The following TCF4 variants were observed in gnomAD, a reference collection of about 807,000 sequenced individuals.
TCF4 encodes the protein transcription factor 4, also known as SL3-3 enhancer factor 2.
Under a neutral mutation model 82.1 loss-of-function variants are expected in TCF4, and 3 were observed. The observed-to-expected ratio is 0.04, with a 90% CI of 0.02 to 0.09. TCF4 has a LOEUF of 0.09. Ranked by LOEUF, TCF4 falls within the 10% of genes least tolerant of loss-of-function variation. The pLI is 1.00. For missense variants in TCF4, 518 were observed against 852.7 expected (o/e 0.61, Z 4.89); for synonymous variants, 276 against 309.6 (o/e 0.89, Z 1.14).
chr18:55,530,039 T>C (rs944029290), intron 3 of TCF4, among the ~76,000 whole-genome samples: 5 of 152,174 alleles, frequency 3.3e-5, no homozygotes, highest in Admixed American at 3.3e-4. Context: ...TACTCCAAAA[T>C]AGCAACCACT....
At chr18:55,338,399 C>G (rs1036211799) in intron 8 of TCF4, among the ~76,000 whole-genome samples, 7 of 152,180 alleles carry the variant, frequency 4.6e-5, no homozygotes, top group Non-Finnish European at 8.8e-5. Flanking sequence ...CAGGCTCAGA[C>G]AGAAATGGCC....
chr18:55,389,487 G>A (rs1335788160), intron 6 of TCF4, among the ~76,000 whole-genome samples: 1 of 152,206 alleles, frequency 6.6e-6, no homozygotes, highest in Non-Finnish European at 1.5e-5. Flanking sequence ...CAGGGTCCCT[G>A]AATCTTGAAC....
chr18:55,284,700 T>A (rs545614289), intron 8 of TCF4, among the ~76,000 whole-genome samples: 1 of 152,200 alleles, frequency 6.6e-6, no homozygotes, highest in Non-Finnish European at 1.5e-5. Context: ...ACGTTGTAAT[T>A]GAGGCTTTCA....
In TCF4 at chr18:55,288,159, A is replaced by G. The variant is rs1355388484; in HGVS notation, c.550-8503T>C. Among the ~76,000 whole-genome samples, 3 of 152,204 alleles carry G rather than the reference A, an allele frequency of 2.0e-5. No homozygotes were observed. In the South Asian group the frequency reaches 6.2e-4, roughly 32 times the overall value. ...ACGTCATAGTGATGTTATCATAGCTATAGAACATTTGAGATTTAAGCTATT... is the reference window on the plus strand; with the variant it reads ...ACGTCATAGTGATGTTATCATAGCTGTAGAACATTTGAGATTTAAGCTATT... On this transcript the variant is annotated intron_variant, in intron 8 of 19. Coordinates refer to ENST00000354452, the MANE Select transcript of TCF4 (RefSeq NM_001083962.2).
chr18:55,322,436 A>AC (rs1354111971), intron 8 of TCF4: 1 of 1,006,504 alleles, frequency 9.9e-7, no homozygotes, highest in Admixed American at 6.0e-5. Flanking sequence ...AAAAAAAAAA[A>AC]AAAAAAAAAA....
intron 5 of TCF4, among the ~76,000 whole-genome samples, chr18:55,424,896 TTA>T (rs1174256485): frequency 1.3e-5 from 2 of 152,216 alleles, no homozygotes; most frequent in Non-Finnish European, 2.9e-5. Context: ...TCTCGACAAT[TTA>T]TAATTTATTT....
chr18:55,232,723 C>G, intron 16 of TCF4, 52 bp from the exon 17 acceptor site: 4 of 1,603,146 alleles, frequency 2.5e-6, no homozygotes, highest in Non-Finnish European at 3.4e-6. Flanking sequence ...TCACTGCCTG[C>G]ACACCAGATT....
At chr18:55,473,206 T>C (rs1415711627) in intron 3 of TCF4, among the ~76,000 whole-genome samples, 1 of 152,168 alleles carries the variant, frequency 6.6e-6, no homozygotes, top group African/African-American at 2.4e-5. Flanking sequence ...TCTTTCCTGA[T>C]ACCTCTTTTC....
In TCF4 at chr18:55,464,067, T is replaced by C. The variant is rs1186546330; in HGVS notation, c.207+9A>G. The C allele has an allele frequency of 6.2e-7, 1 of 1,613,608 alleles. No individual in the cohort carries two copies. Among genetic ancestry groups the C allele is most frequent in the South Asian group, 1.1e-5 (1 of 91,058 alleles). ...TCTGGTTGTGGGAGAAAAGATTAGA[T>C]ATACTTACCCTGGACGGGCTTGGAT... On this transcript the variant is annotated intron_variant, in intron 4 of 19. Coordinates refer to ENST00000354452, the MANE Select transcript of TCF4 (RefSeq NM_001083962.2).
intron 3 of TCF4, among the ~76,000 whole-genome samples, chr18:55,465,228 A>T (rs1453284491): frequency 6.6e-6 from 1 of 152,188 alleles, no homozygotes. Flanking sequence ...CATTTCAGTG[A>T]TACTGTTTAT....
At chr18:55,429,005 A>G (rs918559261) in intron 5 of TCF4, among the ~76,000 whole-genome samples, 1 of 152,234 alleles carries the variant, frequency 6.6e-6, no homozygotes, top group Non-Finnish European at 1.5e-5. Flanking sequence ...TGGGAAAAAA[A>G]CTAATTAAGC....
chr18:55,548,176 T>A (rs1361105577), intron 3 of TCF4, among the ~76,000 whole-genome samples: 2 of 152,370 alleles, frequency 1.3e-5, no homozygotes, highest in Admixed American at 1.3e-4. Context: ...TTCGTTTATT[T>A]TAATGATTAA....
In TCF4 at chr18:55,420,133, G is replaced by A. The variant is rs555398086; in HGVS notation, c.305-16615C>T. ...AATTAACACGTGCAAAACAGGAAAC[G>A]GAAAAAACAACAAACAATGCCATGA... On this transcript the variant is annotated intron_variant, in intron 5 of 19. Transcript: ENST00000354452. Among the ~76,000 whole-genome samples, 34 of 151,980 alleles carry A rather than the reference G, an allele frequency of 2.2e-4. 1 individual carries two copies. In the South Asian group the frequency reaches 6.6e-3, roughly 30 times the overall value.
At chr18:55,579,568 T>A (rs2097558135) in intron 3 of TCF4, among the ~76,000 whole-genome samples, 1 of 152,018 alleles carries the variant, frequency 6.6e-6, no homozygotes, top group Admixed American at 6.6e-5. Flanking sequence ...TTCTAAAGGT[T>A]TGGCCAAGAA....
rs559963153 is a variant in TCF4, at chr18:55,225,610, A to G, written c.*2425T>C. 1 of 152,718 alleles carries G rather than the reference A, an allele frequency of 6.5e-6. No individual in the cohort carries two copies. 9.5% of individuals were successfully genotyped at this position (152,718 alleles called of 1,614,324 possible). ...GTGCAGAATGTACCACTAAAAGGAA[A>G]TCTTTAACATACGGAGGGAACAAAT... is the stretch of plus-strand genomic sequence containing the variant. On this transcript the variant is annotated 3_prime_UTR_variant, in exon 20 of 20. Coordinates refer to ENST00000354452, the MANE Select transcript of TCF4 (RefSeq NM_001083962.2).
intron 3 of TCF4, among the ~76,000 whole-genome samples, chr18:55,479,946 G>A (rs1210381437): frequency 3.3e-5 from 5 of 152,172 alleles, no homozygotes; most frequent in Admixed American, 3.3e-4. Flanking sequence ...ACTGGTCTTT[G>A]AACTATCCTT....
intron 14 of TCF4, 84 bp from the exon 15 acceptor site, chr18:55,254,784 AAC>A (rs1405892718): frequency 8.2e-7 from 1 of 1,218,960 alleles, no homozygotes; most frequent in African/African-American, 1.5e-5. Flanking sequence ...GTCGACAAAA[AAC>A]ACACTGTGTT....
chr18:55,635,602 G>A (rs2097735588), intron 1 of TCF4: 12 of 1,414,174 alleles, frequency 8.5e-6, no homozygotes, highest in Admixed American at 5.3e-5. Context: ...AGGTTAGAGA[G>A]CTAGAAACTA....
intron 3 of TCF4, among the ~76,000 whole-genome samples, chr18:55,553,943 A>C (rs918855208): frequency 6.6e-6 from 1 of 152,318 alleles, no homozygotes; most frequent in African/African-American, 2.4e-5. Context: ...GCAAGCATCT[A>C]TCCTGGTCTC....
Sources: gnomAD v4.1 joint callset for allele counts (sites outside exome capture counted in the v4.1 genomes callset) on GRCh38, gnomAD v4.1.1 for gene constraint, MANE v1.5 for transcripts, NCBI Gene and HGNC (gene_info 2026-07-23, HGNC 2026-07-21) for gene names.